The following SFSWAP variants were observed in gnomAD, a reference collection of about 807,000 sequenced individuals.
SFSWAP encodes the protein splicing factor SWAP, also known as splicing factor, suppressor of white-apricot homolog.
In SFSWAP, 17 loss-of-function variants were observed where a neutral mutation model predicts 100.7. The observed-to-expected ratio is 0.17, with a 90% CI of 0.12 to 0.25. SFSWAP has a LOEUF of 0.25. Ranked by LOEUF, SFSWAP falls within the 10% of genes least tolerant of loss-of-function variation. The pLI, the probability that SFSWAP is intolerant of heterozygous loss-of-function variation, is 1.00. For missense variants in SFSWAP, 1,005 were observed against 1,262.6 expected (o/e 0.80, Z 3.09); for synonymous variants, 504 against 510.1 (o/e 0.99, Z 0.16).
chr12:131,779,351 T>A (rs1215357019), intron 14 of SFSWAP, among the ~76,000 whole-genome samples: 2 of 150,072 alleles, frequency 1.3e-5, no homozygotes, highest in African/African-American at 4.9e-5. Context: ...CCTCCAGGAG[T>A]CACTATTAAA....
In SFSWAP at chr12:131,778,327, C is replaced by T. The variant is rs1417932200; in HGVS notation, c.2405C>T (p.Ser802Leu). The T allele has an allele frequency of 2.5e-6, 4 of 1,611,436 alleles. No homozygotes were observed. Among genetic ancestry groups the T allele is most frequent in the East Asian group, 2.2e-5 (1 of 44,840 alleles). The change falls in exon 14 of 18, where the codon TCG (serine) becomes TTG (leucine). Residue 802 changes from serine (S) to leucine (L), a missense_variant. Physicochemically the swap from Ser to Leu is moderately radical, Grantham distance 145. Coordinates refer to ENST00000261674, the MANE Select transcript of SFSWAP (RefSeq NM_004592.4). The surrounding 1 kb of genome is among the most constrained non-coding windows in gnomAD (Gnocchi z 4.2). ...LPSAYRTVRR[S>L]RSRSRSPRRR... ...AGTGCCTATCGGACAGTGCGGCGGT[C>T]GAGGTGGGTGTGAAGGGGGCAGCAC...
intron 14 of SFSWAP, chr12:131,784,999 T>G: frequency 1.6e-6 from 2 of 1,263,212 alleles, no homozygotes; most frequent in South Asian, 3.3e-5. Flanking sequence ...AAGCAGAGCT[T>G]TTTTCAGAGT....
intron 13 of SFSWAP, among the ~76,000 whole-genome samples, chr12:131,766,893 C>T (rs1245350978): frequency 6.6e-6 from 1 of 152,258 alleles, no homozygotes; most frequent in Non-Finnish European, 1.5e-5. Flanking sequence ...CAGAACAGTG[C>T]CTCAGACCAG....
rs931774866 is a variant in SFSWAP at position 131,717,982 on chromosome 12, C to A, written c.521-1472C>A. On this transcript the variant is annotated intron_variant, in intron 3 of 17. Transcript: ENST00000261674. ...CTGACCTCAAGTGATCCGCCTGCCT[C>A]GGCCTCCCAAAGTGCTGGGATTCCA... is the stretch of plus-strand genomic sequence containing the variant. Among the ~76,000 whole-genome samples, 11 of 152,186 alleles carry A rather than the reference C, an allele frequency of 7.2e-5. 1 individual carries two copies. The highest frequency in any genetic ancestry group is 5.2e-4 in the Admixed American group (8 of 15,280).
chr12:131,750,587 T>TCAG lies in SFSWAP; in HGVS notation c.1082-2536_1082-2535insCAG, dbSNP rs1488363900. Among the ~76,000 whole-genome samples, 11 of 152,320 alleles carry TCAG rather than the reference T, an allele frequency of 7.2e-5. No homozygotes were observed. The East Asian group carries it at 2.1e-3, about 29-fold the overall frequency. On this transcript the variant is annotated intron_variant, in intron 7 of 17. Coordinates refer to ENST00000261674, the MANE Select transcript of SFSWAP (RefSeq NM_004592.4). ...GAGCATTGTCAGCCTGAGTGGTTTT[T>TCAG]AGCGTGGAGCCTCTGAAGCAAGTTG... is the stretch of plus-strand genomic sequence containing the variant.
At chr12:131,718,981 T>C (rs1204050794) in intron 3 of SFSWAP, among the ~76,000 whole-genome samples, 1 of 152,162 alleles carries the variant, frequency 6.6e-6, no homozygotes, top group East Asian at 1.9e-4. Flanking sequence ...AGTTAACCCT[T>C]GAACAACACA....
chr12:131,763,664 A>G (rs2136236215), intron 11 of SFSWAP, among the ~76,000 whole-genome samples: 1 of 152,312 alleles, frequency 6.6e-6, no homozygotes, highest in South Asian at 2.1e-4. Flanking sequence ...GTAGGTAAAA[A>G]TGTTTGCTGA....
chr12:131,732,054 C>T (rs535432796), intron 7 of SFSWAP, among the ~76,000 whole-genome samples: 14 of 151,746 alleles, frequency 9.2e-5, no homozygotes, highest in Non-Finnish European at 1.8e-4. Context: ...GGATCACAGG[C>T]GCTCGTCACC....
chr12:131,769,983 G>C (rs1480636635), intron 13 of SFSWAP, among the ~76,000 whole-genome samples: 1 of 152,180 alleles, frequency 6.6e-6, no homozygotes, highest in African/African-American at 2.4e-5. Context: ...GTGTGTCTGT[G>C]TATGCAGATT....
In SFSWAP at chr12:131,714,316, A is replaced by G. The variant is rs772137167; in HGVS notation, c.388+76A>G. ...AGTATTTAAAAATTTACTCCCATTCATTTTTTTATACTCACTCTTTCTGAT... is the reference window on the plus strand; with the variant it reads ...AGTATTTAAAAATTTACTCCCATTCGTTTTTTTATACTCACTCTTTCTGAT... On this transcript the variant is annotated intron_variant, in intron 2 of 17. Transcript: ENST00000261674. This position sits in a 1 kb window ranked among gnomAD's most constrained non-coding sequence, Gnocchi z 6.0. The G allele has an allele frequency of 5.6e-4, 674 of 1,208,738 alleles. No individual in the cohort carries two copies. Among genetic ancestry groups the G allele is most frequent in the Non-Finnish European group, 7.3e-4 (626 of 857,602 alleles). 74.9% of individuals were successfully genotyped at this position (1,208,738 alleles called of 1,614,324 possible). A position where few individuals can be genotyped will look rare whatever the true frequency, so the allele number is the denominator to read the frequency against.
chr12:131,712,382 T>G (rs937808081), intron 1 of SFSWAP: 10 of 152,256 alleles, frequency 6.6e-5, no homozygotes, highest in African/African-American at 2.4e-4. Context: ...CCCTCGTCTC[T>G]GGGTTTTGGG....
chr12:131,731,790 A>G (rs1202099887), intron 7 of SFSWAP, among the ~76,000 whole-genome samples: 1 of 152,158 alleles, frequency 6.6e-6, no homozygotes, highest in East Asian at 1.9e-4. Context: ...GAGCTGTGCA[A>G]AAAATACTAT....
chr12:131,751,474 C>G (rs998242846), intron 7 of SFSWAP, among the ~76,000 whole-genome samples: 5 of 152,190 alleles, frequency 3.3e-5, no homozygotes, highest in African/African-American at 9.7e-5. Flanking sequence ...CCTGGCCCTC[C>G]CCAGAGCTAA....
intron 14 of SFSWAP, chr12:131,783,706 G>T (rs1884660004): frequency 6.7e-6 from 1 of 150,036 alleles, no homozygotes; most frequent in Non-Finnish European, 1.5e-5. Context: ...GTGAACCCGG[G>T]AGGCGGTGCT....
intron 6 of SFSWAP, among the ~76,000 whole-genome samples, chr12:131,727,967 C>G (rs1346426550): frequency 6.6e-6 from 1 of 152,200 alleles, no homozygotes; most frequent in Non-Finnish European, 1.5e-5. Flanking sequence ...GATTAAAAAT[C>G]AGAAACTCCT....
At position 131,755,413 on chromosome 12, in the gene SFSWAP, G is replaced by C; in HGVS notation, c.1482G>C (p.Gln494His). The C allele has an allele frequency of 5.0e-6, 8 of 1,613,914 alleles. No individual in the cohort carries two copies. Among genetic ancestry groups the C allele is most frequent in the Non-Finnish European group, 6.8e-6 (8 of 1,179,904 alleles). The stretch of plus-strand genomic sequence containing the variant: ...TTGAGTTCCTGCAGCCGTGGCACCA[G>C]TATAATGCTTATTATGAGTTTAAGA... ...QRFEFLQPWH[Q>H]YNAYYEFKKQ... The change falls in exon 10 of 18, where the codon CAG becomes CAC. Residue 494 changes from glutamine to histidine, a missense_variant. Gln to His is a conservative substitution (Grantham distance 24). Coordinates refer to ENST00000261674, the MANE Select transcript of SFSWAP (RefSeq NM_004592.4).
Position 131,799,492 on chromosome 12 carries a change from G to C in SFSWAP, c.*4G>C, listed in dbSNP as rs191498396. The C allele has an allele frequency of 2.5e-6, 4 of 1,613,452 alleles. No individual in the cohort carries two copies. Among genetic ancestry groups the C allele is most frequent in the Admixed American group, 3.3e-5 (2 of 59,974 alleles). On this transcript the variant is annotated 3_prime_UTR_variant, in exon 18 of 18. Transcript: ENST00000261674. ...CCTGCAAACCAGCGCTTCCTGAGAC[G>C]GGGCCAGCGGAGGCAGAGCCGGGAG... is the stretch of plus-strand genomic sequence containing the variant.
At chr12:131,726,681 G>T (rs1051221267) in intron 5 of SFSWAP, among the ~76,000 whole-genome samples, 1 of 152,164 alleles carries the variant, frequency 6.6e-6, no homozygotes, top group Non-Finnish European at 1.5e-5. Context: ...GAAAAAAAAG[G>T]CAGAGAGAAA....
chr12:131,718,664 A>C (rs1351897021), intron 3 of SFSWAP, among the ~76,000 whole-genome samples: 2 of 152,238 alleles, frequency 1.3e-5, no homozygotes, highest in African/African-American at 4.8e-5. Flanking sequence ...AAAGATGAAA[A>C]TCAGTTATCT....
Sources: allele counts gnomAD v4.1 joint callset (sites outside exome capture counted in the v4.1 genomes callset), GRCh38; gene constraint gnomAD v4.1.1; non-coding constraint Gnocchi (gnomAD v3.1); transcripts MANE v1.5; gene names NCBI Gene and HGNC (gene_info 2026-07-23, HGNC 2026-07-21).